Variants in LIMCH1 observed in about 807,000 individuals in gnomAD.
LIMCH1 encodes LIM and calponin homology domains 1, also known as LIM and calponin homology domains-containing protein 1.
A neutral mutation model predicts 176.5 loss-of-function variants in LIMCH1; 113 were observed. The ratio of observed to expected loss-of-function variants is 0.64; its 90% CI spans 0.55 to 0.75. The LOEUF (loss-of-function observed/expected upper bound fraction) is 0.75, where lower values mean the gene tolerates loss of function less well. Among genes scored for constraint, LIMCH1 ranks in the 30% least tolerant of loss-of-function variants. The pLI is 0.00. For missense variants in LIMCH1, 1,674 were observed against 1,814.9 expected, an observed-to-expected ratio of 0.92 and a Z score of 1.41; for synonymous variants, 619 against 645.9, an observed-to-expected ratio of 0.96 and a Z score of 0.63.
At chr4:41,591,102 G>A (rs1056979065) in intron 1 of LIMCH1, among the ~76,000 whole-genome samples, 2 of 152,188 alleles carry the variant, frequency 1.3e-5, no homozygotes, top group Non-Finnish European at 2.9e-5. Context: ...TAACATTATT[G>A]TTGGTTATGG....
At chr4:41,436,114 C>CTTG (rs1457536164) in intron 1 of LIMCH1, among the ~76,000 whole-genome samples, 1 of 152,054 alleles carries the variant, frequency 6.6e-6, no homozygotes, top group Non-Finnish European at 1.5e-5. Context: ...CTCTTTAAAC[C>CTTG]TTGTTTTTCT....
At chr4:41,459,861 A>G (rs2065075619) in intron 1 of LIMCH1, among the ~76,000 whole-genome samples, 1 of 152,166 alleles carries the variant, frequency 6.6e-6, no homozygotes, top group African/African-American at 2.4e-5. Context: ...GGTGCTGACC[A>G]GGGAAAGCTA....
rs938363332 is a variant in LIMCH1, at chr4:41,651,144, C to T, written c.3036+536C>T. On this transcript the variant is annotated intron_variant, in intron 18 of 31. Transcript: ENST00000503057. ...GCCTCATCCTCCCAAGTAACTGGGA[C>T]TACAGGCATGCACAAGTGCACCCAG... 2.6e-5 allele frequency among the ~76,000 whole-genome samples: 4 copies of T among 152,108 alleles called. No homozygotes were observed. In the South Asian group the frequency reaches 6.2e-4, roughly 24 times the overall value.
At chr4:41,431,347 A>C (rs2061593038) in intron 1 of LIMCH1, among the ~76,000 whole-genome samples, 1 of 152,216 alleles carries the variant, frequency 6.6e-6, no homozygotes, top group South Asian at 2.1e-4. Context: ...AACTTTGGGC[A>C]GATTGCTTTA....
intron 1 of LIMCH1, among the ~76,000 whole-genome samples, chr4:41,370,811 G>A (rs2053848637): frequency 6.6e-6 from 1 of 152,150 alleles, no homozygotes; most frequent in African/African-American, 2.4e-5. Flanking sequence ...GCATGAGGTG[G>A]TATATTGTGT....
intron 27 of LIMCH1, among the ~76,000 whole-genome samples, chr4:41,684,728 G>A (rs542333542): frequency 1.9e-4 from 29 of 152,078 alleles, no homozygotes; most frequent in Admixed American, 4.6e-4. Context: ...ACCTGAGAGC[G>A]TGTTCGCACT....
intron 5 of LIMCH1, among the ~76,000 whole-genome samples, chr4:41,618,588 G>A (rs375086354): frequency 1.3e-5 from 2 of 152,310 alleles, no homozygotes; most frequent in South Asian, 2.1e-4. Context: ...GCCTCCAGCC[G>A]TGGGAACCAG....
At chr4:41,506,681 TATTA>T (rs1485482942) in intron 2 of LIMCH1, among the ~76,000 whole-genome samples, 1 of 152,168 alleles carries the variant, frequency 6.6e-6, no homozygotes, top group Non-Finnish European at 1.5e-5. Flanking sequence ...GGAGATATAA[TATTA>T]ATTGACTATT....
chr4:41,616,659 C>G (rs2092116839), intron 5 of LIMCH1, among the ~76,000 whole-genome samples: 1 of 151,820 alleles, frequency 6.6e-6, no homozygotes, highest in Non-Finnish European at 1.5e-5. Context: ...GAAGTGAAGT[C>G]AAAACTTTTG....
intron 1 of LIMCH1, among the ~76,000 whole-genome samples, chr4:41,405,889 G>A (rs2058909147): frequency 6.6e-6 from 1 of 152,192 alleles, no homozygotes; most frequent in Admixed American, 6.5e-5. Context: ...AATTCAGAAA[G>A]TAGTTGTGGA....
chr4:41,500,374 T>C (rs2073046802), intron 2 of LIMCH1, among the ~76,000 whole-genome samples: 2 of 152,230 alleles, frequency 1.3e-5, no homozygotes, highest in Non-Finnish European at 2.9e-5. Flanking sequence ...AGAGCTTTTC[T>C]CCCTCCTCTT....
chr4:41,466,677 T>G (rs923484879), intron 1 of LIMCH1, among the ~76,000 whole-genome samples: 1 of 152,232 alleles, frequency 6.6e-6, no homozygotes, highest in South Asian at 2.1e-4. Flanking sequence ...GTGTCATTTT[T>G]CAGGTTGTTC....
chr4:41,414,970 T>TA lies in LIMCH1; in HGVS notation c.96+54036dup, dbSNP rs145588433. 6.6e-4 allele frequency among the ~76,000 whole-genome samples: 101 copies of TA among 152,280 alleles called. 2 individuals are homozygous for TA. In the East Asian group the frequency reaches 0.016, roughly 24 times the overall value. On this transcript the variant is annotated intron_variant, in intron 1 of 26. Transcript: ENST00000313860. ...TCTTTCTTGCCGCTTATTAGATGTT[T>TA]AATCTCTCTTAACCTCATCCCCCCT...
intron 5 of LIMCH1, among the ~76,000 whole-genome samples, chr4:41,613,955 G>C (rs769519176): frequency 7.9e-5 from 12 of 152,184 alleles, no homozygotes; most frequent in Admixed American, 1.3e-4. Flanking sequence ...TCAAGACACT[G>C]TGCAGACCAT....
intron 13 of LIMCH1, among the ~76,000 whole-genome samples, chr4:41,635,233 T>C (rs13125679): frequency 0.23 from 35,180 of 149,878 alleles, 5,083 homozygotes; most frequent in Non-Finnish European, 0.33. Flanking sequence ...GAATTCTCTG[T>C]CACTTTTTTT....
At chr4:41,490,573 T>C (rs1443377156) in intron 1 of LIMCH1, among the ~76,000 whole-genome samples, 1 of 152,198 alleles carries the variant, frequency 6.6e-6, no homozygotes, top group Admixed American at 6.5e-5. Flanking sequence ...ACAGCACATG[T>C]TTCAGAGAGC....
chr4:41,453,040 A>C (rs1207682943), intron 1 of LIMCH1, among the ~76,000 whole-genome samples: 1 of 152,126 alleles, frequency 6.6e-6, no homozygotes, highest in Non-Finnish European at 1.5e-5. Flanking sequence ...GATGATACTC[A>C]GTGCTGTTGC....
chr4:41,507,301 A>G (rs745503358), intron 2 of LIMCH1, among the ~76,000 whole-genome samples: 8 of 152,102 alleles, frequency 5.3e-5, no homozygotes, highest in Non-Finnish European at 8.8e-5. Flanking sequence ...TCACTTAGGC[A>G]TGATTGGTTG....
At chr4:41,511,668 C>T (rs974418014) in intron 2 of LIMCH1, among the ~76,000 whole-genome samples, 10 of 152,124 alleles carry the variant, frequency 6.6e-5, no homozygotes, top group East Asian at 3.9e-4. Flanking sequence ...GAAGGGAGGA[C>T]GGGAAGAAGA....
Sources: gnomAD v4.1 joint callset for allele counts (sites outside exome capture counted in the v4.1 genomes callset) on GRCh38, gnomAD v4.1.1 for gene constraint, MANE v1.5 for transcripts, NCBI Gene and HGNC (gene_info 2026-07-23, HGNC 2026-07-21) for gene names.